Variants in LMO1 observed in about 807,000 individuals in gnomAD.
LMO1 encodes rhombotin-1.
A neutral mutation model predicts 18.0 loss-of-function variants in LMO1; 10 were observed. That is an observed-to-expected ratio of 0.55 (90% CI 0.34 to 0.94). The LOEUF is 0.94. LMO1 is among the 40% of genes least tolerant of loss of function. The pLI is 0.02. For synonymous variants in LMO1, 77 were observed against 77.9 expected (o/e 0.99, Z 0.06); for missense variants, 183 against 205.7 (o/e 0.89, Z 0.68).
At chr11:8,227,249 G>A (rs1952564744) in intron 2 of LMO1, 149 bp from the exon 3 acceptor site, 1 of 1,330,840 alleles carries the variant, frequency 7.5e-7, no homozygotes, top group Non-Finnish European at 1.0e-6. Context: ...GAGCACTGAG[G>A]GCAGCATCTA....
At chr11:8,244,282 A>G (rs1255628066) in intron 1 of LMO1, among the ~76,000 whole-genome samples, 3 of 152,198 alleles carry the variant, frequency 2.0e-5, no homozygotes, top group Non-Finnish European at 4.4e-5. Flanking sequence ...GGAAATTACA[A>G]CATGGGCCTG....
intron 2 of LMO1, among the ~76,000 whole-genome samples, chr11:8,229,508 G>A (rs1316319872): frequency 6.6e-6 from 1 of 152,198 alleles, no homozygotes; most frequent in Non-Finnish European, 1.5e-5. Context: ...GCAGGTGCTG[G>A]GTCTCAGCCA....
chr11:8,262,292 C>A (rs1329186663), intron 1 of LMO1, among the ~76,000 whole-genome samples: 2 of 152,150 alleles, frequency 1.3e-5, no homozygotes, highest in Non-Finnish European at 2.9e-5. Context: ...GCAGCGTGGG[C>A]ACCAACAGTC....
intron 1 of LMO1, among the ~76,000 whole-genome samples, chr11:8,257,445 G>T (rs2134581448): frequency 6.6e-6 from 1 of 152,320 alleles, no homozygotes; most frequent in Admixed American, 6.5e-5. Context: ...TGCATCTTCT[G>T]GGCTGTCAGT....
At chr11:8,233,779 C>A (rs1346342700) in intron 1 of LMO1, among the ~76,000 whole-genome samples, 1 of 151,616 alleles carries the variant, frequency 6.6e-6, no homozygotes, top group African/African-American at 2.4e-5. Context: ...GGCTCTGGGA[C>A]CTGAGCCTCG....
chr11:8,236,748 A>C (rs1228680889), intron 1 of LMO1, among the ~76,000 whole-genome samples: 1 of 152,062 alleles, frequency 6.6e-6, no homozygotes. Flanking sequence ...TGTCTGTTTT[A>C]TTCTCCCCAC....
chr11:8,235,618 C>T (rs552052554), intron 1 of LMO1, among the ~76,000 whole-genome samples: 3 of 152,314 alleles, frequency 2.0e-5, no homozygotes, highest in Admixed American at 6.5e-5. Flanking sequence ...AGTCTACTTA[C>T]ATCTGGAAGA....
intron 1 of LMO1, among the ~76,000 whole-genome samples, chr11:8,258,568 T>C (rs528195130): frequency 6.6e-6 from 1 of 152,170 alleles, no homozygotes; most frequent in African/African-American, 2.4e-5. Context: ...TGTTCCAAGG[T>C]TGAGAGACCA....
At chr11:8,236,621 C>G (rs1028342410) in intron 1 of LMO1, among the ~76,000 whole-genome samples, 4 of 152,120 alleles carry the variant, frequency 2.6e-5, no homozygotes, top group Admixed American at 2.6e-4. Flanking sequence ...AGAAGACACA[C>G]GGAGAGCATG....
chr11:8,259,642 G>A lies in LMO1; in HGVS notation c.25+3696C>T, dbSNP rs914493904. On this transcript the variant is annotated intron_variant, in intron 1 of 3. Coordinates refer to ENST00000335790, the MANE Select transcript of LMO1 (RefSeq NM_002315.3). Reference sequence around the variant, plus strand: ...GGTCTCTGGCATGGAACAGCATCAGGGCCTGCCTCCCTCTCCAGGGTTGGG... The same window carrying A: ...GGTCTCTGGCATGGAACAGCATCAGAGCCTGCCTCCCTCTCCAGGGTTGGG... 2.6e-5 allele frequency among the ~76,000 whole-genome samples: 4 copies of A among 152,142 alleles called. No individual in the cohort carries two copies. The South Asian group carries it at 8.3e-4, about 32-fold the overall frequency.
Position 8,263,469 on chromosome 11 carries a change from A to G in LMO1, c.-107T>C. 6.5e-7 allele frequency: 1 copy of G among 1,541,044 alleles called. No individual in the cohort carries two copies. The highest frequency in any genetic ancestry group is 1.9e-5 in the Admixed American group (1 of 52,108). On this transcript the variant is annotated 5_prime_UTR_variant, in exon 1 of 4. Transcript: ENST00000335790. ...GGTCTTCGGGCAGCTAGCGGGCTCT[A>G]ATTACCCGCTTGTCCGGCTCTTAAC... is the stretch of plus-strand genomic sequence containing the variant.
upstream of LMO1, among the ~76,000 whole-genome samples, chr11:8,267,581 C>T (rs894412503): frequency 6.6e-6 from 1 of 152,150 alleles, no homozygotes; most frequent in Non-Finnish European, 1.5e-5. Context: ...AGGAGTTGGA[C>T]CCAGGGATGG....
chr11:8,250,413 T>C (rs184460182), intron 1 of LMO1, among the ~76,000 whole-genome samples: 8 of 152,378 alleles, frequency 5.3e-5, no homozygotes. Context: ...AATGAGATCT[T>C]ATGCTCATGT....
intron 1 of LMO1, among the ~76,000 whole-genome samples, chr11:8,247,362 C>T (rs1846912468): frequency 6.6e-6 from 1 of 152,136 alleles, no homozygotes; most frequent in South Asian, 2.1e-4. Context: ...ATCCAGTCCA[C>T]GAGGGTAGGA....
chr11:8,232,704 A>G (rs1208841163), intron 1 of LMO1, among the ~76,000 whole-genome samples: 2 of 152,118 alleles, frequency 1.3e-5, no homozygotes, highest in Admixed American at 1.3e-4. Flanking sequence ...AGTGGTCCTG[A>G]GCCCCTCCCA....
chr11:8,261,908 G>A (rs983532930), intron 1 of LMO1, among the ~76,000 whole-genome samples: 9 of 152,098 alleles, frequency 5.9e-5, no homozygotes, highest in African/African-American at 2.2e-4. Flanking sequence ...AAGCACTGAG[G>A]TTCCCCCCAT....
chr11:8,242,335 C>T (rs141347330), intron 1 of LMO1, among the ~76,000 whole-genome samples: 6 of 152,304 alleles, frequency 3.9e-5, no homozygotes, highest in South Asian at 2.1e-4. Context: ...CAGGGGGTAG[C>T]GGGTATCTCT....
At chr11:8,247,853 A>G (rs1205251226) in intron 1 of LMO1, among the ~76,000 whole-genome samples, 1 of 152,202 alleles carries the variant, frequency 6.6e-6, no homozygotes, top group African/African-American at 2.4e-5. Context: ...GGATGAGAAG[A>G]CTTCTCAAGG....
intron 1 of LMO1, among the ~76,000 whole-genome samples, chr11:8,234,234 A>G (rs1952721399): frequency 6.6e-6 from 1 of 151,940 alleles, no homozygotes; most frequent in East Asian, 1.9e-4. Context: ...TCCCAGTCTG[A>G]CTCATCTGGC....
Sources: gnomAD v4.1 joint callset for allele counts (sites outside exome capture counted in the v4.1 genomes callset) on GRCh38, gnomAD v4.1.1 for gene constraint, MANE v1.5 for transcripts, NCBI Gene and HGNC (gene_info 2026-07-23, HGNC 2026-07-21) for gene names.